The following BCAM variants were observed in gnomAD, a reference collection of about 807,000 sequenced individuals.
BCAM encodes basal cell adhesion molecule.
Under a neutral mutation model 72.4 loss-of-function variants are expected in BCAM, and 61 were observed. That is an observed-to-expected ratio of 0.84 (90% confidence interval 0.69 to 1.04). The LOEUF (loss-of-function observed/expected upper bound fraction) is 1.04. BCAM is among the 50% of genes least tolerant of loss of function. The pLI, the probability that BCAM is intolerant of heterozygous loss-of-function variation, is 0.00. For missense variants in BCAM, 909 were observed against 895.0 expected, an observed-to-expected ratio of 1.02 and a Z score of -0.20; for synonymous variants, 408 against 384.2, an observed-to-expected ratio of 1.06 and a Z score of -0.73.
rs767090237 is a variant in BCAM at position 44,809,175 on chromosome 19, G to A, written c.51G>A (p.Leu17=). ...AGGCGCGCGGGGCCCCGCGGCTGCTGTTGCTCGCAGTCCTGCTGGCGGCGC... is the reference window on the plus strand; with the variant it reads ...AGGCGCGCGGGGCCCCGCGGCTGCTATTGCTCGCAGTCCTGCTGGCGGCGC... ...PAQARGAPRL[L]LLAVLLAAHP... is the part of the protein sequence containing the mutation. The change falls in exon 1 of 15, where the codon CTG becomes CTA. Residue 17 remains leucine (L), a synonymous_variant. Transcript: ENST00000270233. The A allele has an allele frequency of 2.9e-4, 422 of 1,477,398 alleles. No individual in the cohort carries two copies. The highest frequency in any genetic ancestry group is 4.2e-4 in the Middle Eastern group (2 of 4,780). 91.5% of individuals were successfully genotyped at this position (1,477,398 alleles called of 1,614,324 possible). A position where few individuals can be genotyped will look rare whatever the true frequency, so the allele number is the denominator to read the frequency against.
Position 44,812,824 on chromosome 19 carries a change from A to G in BCAM, c.504+276A>G. ...AATTAGCTGGGTGTGTTGGTGTGCA[A>G]CTGTAATCCCAGCTGCTCGGGAGGC... On this transcript the variant is annotated intron_variant, in intron 4 of 14. Coordinates refer to ENST00000270233, the MANE Select transcript of BCAM (RefSeq NM_005581.5). This position sits in a 1 kb window ranked among gnomAD's most constrained non-coding sequence, Gnocchi z 5.3. 1 of 470,392 alleles carries G rather than the reference A, an allele frequency of 2.1e-6. No homozygotes were observed. Among genetic ancestry groups the G allele is most frequent in the South Asian group, 2.5e-5 (1 of 40,382 alleles). 29.1% of individuals were successfully genotyped at this position (470,392 alleles called of 1,614,324 possible).
chr19:44,820,992 C>A lies in BCAM; in HGVS notation c.*71C>A. ...ATCAGAGAACCAGCCCTGCTCACGCCATGCCCGCCCCCGCCTTCCCTCTTC... is the reference window on the plus strand; with the variant it reads ...ATCAGAGAACCAGCCCTGCTCACGCAATGCCCGCCCCCGCCTTCCCTCTTC... On this transcript the variant is annotated 3_prime_UTR_variant, in exon 15 of 15. Coordinates refer to ENST00000270233, the MANE Select transcript of BCAM (RefSeq NM_005581.5). 6.8e-7 allele frequency: 1 copy of A among 1,465,432 alleles called. No homozygotes were observed. Among genetic ancestry groups the A allele is most frequent in the South Asian group, 1.4e-5 (1 of 71,636 alleles). The allele number at this position is 1,465,432 out of a possible 1,614,324, so 90.8% of individuals were successfully genotyped here. A position where few individuals can be genotyped will look rare whatever the true frequency, so the allele number is the denominator to read the frequency against.
Position 44,818,264 on chromosome 19 carries a change from C to T in BCAM, c.1079-258C>T, listed in dbSNP as rs533993558. ...TTCCACACCTAAGGTTATTCATTAA[C>T]CTTGGGCTCAGATGTCAGCTCTGAA... On this transcript the variant is annotated intron_variant, in intron 8 of 14. Transcript: ENST00000270233. This position sits in a 1 kb window ranked among gnomAD's most constrained non-coding sequence, Gnocchi z 4.6. Among the ~76,000 whole-genome samples the T allele has an allele frequency of 1.3e-5, 2 of 152,294 alleles. No individual in the cohort carries two copies. The highest frequency in any genetic ancestry group is 6.5e-5 in the Admixed American group (1 of 15,288).
In BCAM at chr19:44,814,228, C is replaced by A. The variant is rs145453963; in HGVS notation, c.861C>A (p.Val287=). ...PAGWVREGDT[V]QLLCRGDGSP... ...GCTGGGTACGCGAGGGTGACACTGT[C>A]CAGCTGCTCTGCCGGGGGGACGGCA... The change falls in exon 7 of 15, where the codon GTC becomes GTA. Residue 287 remains valine, a synonymous_variant. Coordinates refer to ENST00000270233, the MANE Select transcript of BCAM (RefSeq NM_005581.5). This position sits in a 1 kb window ranked among gnomAD's most constrained non-coding sequence, Gnocchi z 4.6. The A allele has an allele frequency of 8.8e-6, 14 of 1,586,132 alleles. No individual in the cohort carries two copies. Among genetic ancestry groups the A allele is most frequent in the Non-Finnish European group, 1.1e-5 (13 of 1,172,998 alleles).
rs1202425220 is a variant in BCAM at position 44,820,834 on chromosome 19, C to T, written c.1881+12C>T. 6.6e-7 allele frequency: 1 copy of T among 1,518,564 alleles called. No individual in the cohort carries two copies. Among genetic ancestry groups the T allele is most frequent in the Non-Finnish European group, 8.8e-7 (1 of 1,132,894 alleles). 94.1% of individuals were successfully genotyped at this position (1,518,564 alleles called of 1,614,324 possible). On this transcript the variant is annotated intron_variant, in intron 14 of 14. Coordinates refer to ENST00000270233, the MANE Select transcript of BCAM (RefSeq NM_005581.5). ...GCTTCGGAGACGAGGTGGGTGAGGG[C>T]CTGGGCCCCCTGGTGAGAGGGACCT...
chr19:44,818,907 G>T lies in BCAM; in HGVS notation c.1336+25G>T. On this transcript the variant is annotated intron_variant, in intron 10 of 14. Coordinates refer to ENST00000270233, the MANE Select transcript of BCAM (RefSeq NM_005581.5). This position sits in a 1 kb window ranked among gnomAD's most constrained non-coding sequence, Gnocchi z 4.6. Reference sequence around the variant, plus strand: ...GGTTCAGGGGGCAGGGAGGGGGTGGGCTTGGATGGGGACAGTGTGGGGTGT... The same window carrying T: ...GGTTCAGGGGGCAGGGAGGGGGTGGTCTTGGATGGGGACAGTGTGGGGTGT... The T allele has an allele frequency of 1.9e-6, 3 of 1,609,812 alleles. No individual in the cohort carries two copies. The highest frequency in any genetic ancestry group is 2.5e-6 in the Non-Finnish European group (3 of 1,178,010).
intron 1 of BCAM, among the ~76,000 whole-genome samples, chr19:44,810,807 A>G (rs1278170311): frequency 6.6e-6 from 1 of 150,570 alleles, no homozygotes; most frequent in Non-Finnish European, 1.5e-5. Flanking sequence ...TGTGCAGCCC[A>G]GAGGAGGAGC....
At chr19:44,811,129 G>A in intron 1 of BCAM, 96 bp from the exon 2 acceptor site, 1 of 1,576,738 alleles carries the variant, frequency 6.3e-7, no homozygotes, top group Non-Finnish European at 8.6e-7. Flanking sequence ...AGGAGGGGCT[G>A]GGACCTGGAC....
rs1968549932 is a variant in BCAM at position 44,819,475 on chromosome 19, T to C, written c.1603T>C (p.Phe535Leu). Reference sequence around the variant, plus strand: ...CCCCCACGGGAACAAGCGCCATGTCTTCCACTTCGGCACCGGTGAGTGACT... The same window carrying C: ...CCCCCACGGGAACAAGCGCCATGTCCTCCACTTCGGCACCGGTGAGTGACT... ...SNPHGNKRHV[F>L]HFGTVSPQTS... is the part of the protein sequence containing the mutation. Residue 535 changes from phenylalanine (F) to leucine (L), a missense_variant, in exon 12 of 15, where the codon TTC becomes CTC. Phe to Leu is a conservative substitution (Grantham distance 22). Coordinates refer to ENST00000270233, the MANE Select transcript of BCAM (RefSeq NM_005581.5). The C allele has an allele frequency of 6.2e-7, 1 of 1,613,874 alleles. No homozygotes were observed. The highest frequency in any genetic ancestry group is 1.3e-5 in the African/African-American group (1 of 74,894).
chr19:44,820,056 A>G, intron 13 of BCAM: 1 of 1,157,256 alleles, frequency 8.6e-7, no homozygotes. Context: ...CCCCAACTCC[A>G]TGCCTGTCTC....
chr19:44,812,189 C>T lies in BCAM; in HGVS notation c.231C>T (p.Arg77=). The T allele has an allele frequency of 6.2e-7, 1 of 1,603,858 alleles. No individual in the cohort carries two copies. The stretch of plus-strand genomic sequence containing the variant: ...CCGACCGCTCGGGAGCTCGCCCCCG[C>T]CTAGCCTCGGCTGAGATGCAGGGCT... The part of the protein sequence containing the change: ...FLTDRSGARP[R]LASAEMQGSE... Residue 77 remains arginine (R), a synonymous_variant, in exon 3 of 15, where the codon CGC becomes CGT. Coordinates refer to ENST00000270233, the MANE Select transcript of BCAM (RefSeq NM_005581.5). The surrounding 1 kb of genome is among the most constrained non-coding windows in gnomAD (Gnocchi z 5.3).
At chr19:44,815,837 T>TAC (rs1208443461) in intron 8 of BCAM, among the ~76,000 whole-genome samples, 10 of 151,670 alleles carry the variant, frequency 6.6e-5, no homozygotes, top group African/African-American at 2.4e-4. Flanking sequence ...AGACCCCATT[T>TAC]GCACACACAC....
intron 2 of BCAM, 192 bp downstream of exon 2, chr19:44,811,538 G>T (rs1361514975): frequency 1.5e-5 from 13 of 851,658 alleles, no homozygotes; most frequent in Non-Finnish European, 2.1e-5. Flanking sequence ...AGTCTAGAAT[G>T]ACATTGACCT....
rs1196724207 is a variant in BCAM, at chr19:44,821,125, T to C, written c.*204T>C. The C allele has an allele frequency of 1.2e-5, 4 of 347,682 alleles. No individual in the cohort carries two copies. Among genetic ancestry groups the C allele is most frequent in the South Asian group, 6.3e-5 (1 of 15,750 alleles). The allele number at this position is 347,682 out of a possible 1,614,324, so 21.5% of individuals were successfully genotyped here. A position where few individuals can be genotyped will look rare whatever the true frequency, so the allele number is the denominator to read the frequency against. On this transcript the variant is annotated 3_prime_UTR_variant, in exon 15 of 15. Transcript: ENST00000270233. ...GGGAAGGAGAGGGAGGGTGGGTGGG[T>C]GGGAGGGGGCCTTCCTCCAGGGAAT...
chr19:44,809,059 C>T, upstream of BCAM: 3 of 1,221,672 alleles, frequency 2.5e-6, no homozygotes, highest in Non-Finnish European at 3.1e-6. Flanking sequence ...GGGGCGGGGC[C>T]TCTGGCTCCC....
chr19:44,818,764 C>T lies in BCAM; in HGVS notation c.1218C>T (p.Gly406=). The T allele has an allele frequency of 6.2e-7, 1 of 1,614,090 alleles. No homozygotes were observed. The highest frequency in any genetic ancestry group is 8.5e-7 in the Non-Finnish European group (1 of 1,179,990). The change falls in exon 10 of 15, where the codon GGC becomes GGT. Residue 406 remains glycine (G), a synonymous_variant. Transcript: ENST00000270233. This position sits in a 1 kb window ranked among gnomAD's most constrained non-coding sequence, Gnocchi z 4.6. ...AGGACTCCACTCCCCTGGGCGATGG[C>T]CCCATGCTGTCGCTCAGTTCTATCA... ...WTKDSTPLGD[G]PMLSLSSITF... is the part of the protein sequence containing the mutation.
Position 44,818,900 on chromosome 19 carries a change from G to T in BCAM, c.1336+18G>T, listed in dbSNP as rs200051019. The T allele has an allele frequency of 9.9e-6, 16 of 1,611,480 alleles. No individual in the cohort carries two copies. Among genetic ancestry groups the T allele is most frequent in the Admixed American group, 3.3e-5 (2 of 59,858 alleles). On this transcript the variant is annotated intron_variant, in intron 10 of 14. Coordinates refer to ENST00000270233, the MANE Select transcript of BCAM (RefSeq NM_005581.5). This position sits in a 1 kb window ranked among gnomAD's most constrained non-coding sequence, Gnocchi z 4.6. The stretch of plus-strand genomic sequence containing the variant: ...GGTCCAAGGTTCAGGGGGCAGGGAG[G>T]GGGTGGGCTTGGATGGGGACAGTGT...
chr19:44,809,569 C>T (rs988763402), intron 1 of BCAM, among the ~76,000 whole-genome samples: 17 of 152,218 alleles, frequency 1.1e-4, no homozygotes, highest in Admixed American at 9.2e-4. Context: ...AATAGCTTCC[C>T]CCAGGGCACA....
In BCAM at chr19:44,814,786, G is replaced by A; in HGVS notation, c.1078+26G>A. The A allele has an allele frequency of 5.0e-6, 8 of 1,590,992 alleles. No individual in the cohort carries two copies. The highest frequency in any genetic ancestry group is 6.8e-6 in the Non-Finnish European group (8 of 1,168,282). Reference sequence around the variant, plus strand: ...GTGAGAGCCCTGGGTGAACGGGCGGGCAGGAGGGGCCCTGGCATCAGTGCC... The same window carrying A: ...GTGAGAGCCCTGGGTGAACGGGCGGACAGGAGGGGCCCTGGCATCAGTGCC... On this transcript the variant is annotated intron_variant, in intron 8 of 14. Coordinates refer to ENST00000270233, the MANE Select transcript of BCAM (RefSeq NM_005581.5). The surrounding 1 kb of genome is among the most constrained non-coding windows in gnomAD (Gnocchi z 4.6).
Sources: gnomAD v4.1 joint callset for allele counts (sites outside exome capture counted in the v4.1 genomes callset) on GRCh38, gnomAD v4.1.1 for gene constraint, Gnocchi (gnomAD v3.1) non-coding constraint, MANE v1.5 for transcripts, NCBI Gene and HGNC (gene_info 2026-07-23, HGNC 2026-07-21) for gene names.